Variants in PDE1A observed in about 807,000 individuals in gnomAD.
PDE1A encodes phosphodiesterase 1A, also known as dual specificity calcium/calmodulin-dependent 3',5'-cyclic nucleotide phosphodiesterase 1A.
A neutral mutation model predicts 61.7 loss-of-function variants in PDE1A; 35 were observed. That is an observed-to-expected ratio of 0.57 (90% CI 0.43 to 0.75). The LOEUF is 0.75. PDE1A is among the 30% of genes least tolerant of loss of function. The probability of loss-of-function intolerance (pLI) is 0.00; values close to 1 mark genes in which losing one functional copy is unlikely to be tolerated. For missense variants in PDE1A, 597 were observed against 630.6 expected (o/e 0.95, Z 0.57); for synonymous variants, 232 against 213.2 (o/e 1.09, Z -0.77).
At chr2:182,448,546 T>C (rs1016418276) in intron 2 of PDE1A, among the ~76,000 whole-genome samples, 6 of 152,050 alleles carry the variant, frequency 3.9e-5, no homozygotes, top group African/African-American at 1.4e-4. Flanking sequence ...GAATCTCAGA[T>C]ATTTAGAACT....
At chr2:182,582,059 T>C in the PDE1A span, among the ~76,000 whole-genome samples, 265 of 152,306 alleles carry the variant, frequency 1.7e-3, 1 homozygote, top group African/African-American at 6.2e-3. Context: ...ATGTTTAGCT[T>C]AATATTAAAA....
At chr2:182,320,348 T>A (rs1022069657) in intron 1 of PDE1A, among the ~76,000 whole-genome samples, 1 of 152,242 alleles carries the variant, frequency 6.6e-6, no homozygotes, top group Non-Finnish European at 1.5e-5. Context: ...CCTAAGGTGC[T>A]GGGGTATGAG....
chr2:182,197,123 T>C (rs1686196271), intron 10 of PDE1A, among the ~76,000 whole-genome samples: 1 of 151,896 alleles, frequency 6.6e-6, no homozygotes. Flanking sequence ...GTCATTCTCA[T>C]GGGGCTATAT....
At chr2:182,221,049 T>C (rs1383254763) in intron 7 of PDE1A, among the ~76,000 whole-genome samples, 1 of 151,926 alleles carries the variant, frequency 6.6e-6, no homozygotes, top group Non-Finnish European at 1.5e-5. Flanking sequence ...AACATGATTC[T>C]TCTTTTTCCT....
intron 1 of PDE1A, among the ~76,000 whole-genome samples, chr2:182,339,249 T>C (rs1698030761): frequency 6.6e-6 from 1 of 152,188 alleles, no homozygotes; most frequent in Non-Finnish European, 1.5e-5. Flanking sequence ...ATGAAATTTG[T>C]ATTTCTCAAA....
At chr2:182,185,175 T>G (rs1218538869) in intron 13 of PDE1A, among the ~76,000 whole-genome samples, 1 of 152,076 alleles carries the variant, frequency 6.6e-6, no homozygotes, top group African/African-American at 2.4e-5. Context: ...CCTGGAGTAT[T>G]TTAAGAAACT....
At chr2:182,232,213 A>T (rs1689641906) in intron 4 of PDE1A, among the ~76,000 whole-genome samples, 1 of 152,152 alleles carries the variant, frequency 6.6e-6, no homozygotes, top group Non-Finnish European at 1.5e-5. Context: ...GAGAGTGAGC[A>T]GGGATATAAA....
chr2:182,551,807 T>A, the PDE1A span, among the ~76,000 whole-genome samples: 1 of 152,174 alleles, frequency 6.6e-6, no homozygotes, highest in Non-Finnish European at 1.5e-5. Context: ...GATTGGCAAC[T>A]CACTCTTGAC....
downstream of PDE1A, among the ~76,000 whole-genome samples, chr2:182,144,262 C>T (rs564469113): frequency 6.6e-6 from 1 of 152,212 alleles, no homozygotes; most frequent in Admixed American, 6.5e-5. Flanking sequence ...TTTGGAAATG[C>T]CAGAAATTCC....
At chr2:182,654,058 T>C in the PDE1A span, among the ~76,000 whole-genome samples, 6 of 152,308 alleles carry the variant, frequency 3.9e-5, no homozygotes, top group African/African-American at 1.4e-4. Flanking sequence ...GTGTTAATAA[T>C]ACCTGTGGAA....
intron 2 of PDE1A, among the ~76,000 whole-genome samples, chr2:182,243,773 C>T (rs1690740523): frequency 6.6e-6 from 1 of 152,178 alleles, no homozygotes; most frequent in Non-Finnish European, 1.5e-5. Context: ...TGGAAGTTCA[C>T]TACTTTTCAA....
intron 2 of PDE1A, among the ~76,000 whole-genome samples, chr2:182,483,622 A>C (rs1687834645): frequency 6.6e-6 from 1 of 151,944 alleles, no homozygotes; most frequent in Non-Finnish European, 1.5e-5. Context: ...CAACTCATCA[A>C]TGTATGAGAT....
chr2:182,467,502 A>T (rs1686750473), intron 2 of PDE1A, among the ~76,000 whole-genome samples: 1 of 151,972 alleles, frequency 6.6e-6, no homozygotes, highest in South Asian at 2.1e-4. Context: ...ACTATCATCC[A>T]GAAACTCTTT....
chr2:182,328,281 T>C (rs1418300156), intron 1 of PDE1A, among the ~76,000 whole-genome samples: 2 of 152,182 alleles, frequency 1.3e-5, no homozygotes, highest in Non-Finnish European at 2.9e-5. Flanking sequence ...ACACAGAATA[T>C]TAAGCATGAG....
At chr2:182,487,844 T>G (rs895881041) in intron 2 of PDE1A, among the ~76,000 whole-genome samples, 1 of 152,174 alleles carries the variant, frequency 6.6e-6, no homozygotes, top group Non-Finnish European at 1.5e-5. Context: ...AAACTTTTAC[T>G]TGGAGCTGAC....
At chr2:182,470,130 G>A (rs1219457606) in intron 2 of PDE1A, among the ~76,000 whole-genome samples, 1 of 151,840 alleles carries the variant, frequency 6.6e-6, no homozygotes, top group Non-Finnish European at 1.5e-5. Flanking sequence ...GTCAACAGAG[G>A]GTTCCCACTA....
chr2:182,628,916 T>C, the PDE1A span, among the ~76,000 whole-genome samples: 2 of 152,234 alleles, frequency 1.3e-5, no homozygotes, highest in East Asian at 1.9e-4. Flanking sequence ...AAAGTGATGG[T>C]ATGGGATGTC....
chr2:182,484,216 T>A (rs1687872432), intron 2 of PDE1A, among the ~76,000 whole-genome samples: 1 of 151,962 alleles, frequency 6.6e-6, no homozygotes, highest in African/African-American at 2.4e-5. Context: ...TTTCATCAAC[T>A]AGAGGTGGAG....
At chr2:182,314,772 A>G (rs1367133069) in intron 1 of PDE1A, among the ~76,000 whole-genome samples, 2 of 150,126 alleles carry the variant, frequency 1.3e-5, no homozygotes, top group Non-Finnish European at 3.0e-5. Context: ...TTGGAGTAGT[A>G]ATTTGATGAA....
Sources: gnomAD v4.1 joint callset for allele counts (sites outside exome capture counted in the v4.1 genomes callset) on GRCh38, gnomAD v4.1.1 for gene constraint, MANE v1.5 for transcripts, NCBI Gene and HGNC (gene_info 2026-07-23, HGNC 2026-07-21) for gene names.